NPHP3: variants seen among roughly 807,000 people sequenced by gnomAD.
The protein encoded by NPHP3 is nephrocystin 3.
In NPHP3, 123 loss-of-function variants were observed where a neutral mutation model predicts 171.9. The observed-to-expected ratio is 0.72, with a 90% CI of 0.62 to 0.83. NPHP3 has a LOEUF of 0.83. NPHP3 is among the 40% of genes least tolerant of loss of function. NPHP3 has a pLI of 0.00. For missense variants in NPHP3, 1,506 were observed against 1,591.9 expected (o/e 0.95, Z 0.92); for synonymous variants, 558 against 579.2 (o/e 0.96, Z 0.52).
Position 132,705,323 on chromosome 3 carries a change from A to AC in NPHP3, c.1350+416dup, listed in dbSNP as rs377765092. ...AGGCCCCTCCCTGGTCCATGTTCTC[A>AC]CCCCCCTGGAGGCATGCTTTCATCC... On this transcript the variant is annotated intron_variant, in intron 8 of 26. Coordinates refer to ENST00000337331, the MANE Select transcript of NPHP3 (RefSeq NM_153240.5). Among the ~76,000 whole-genome samples the AC allele has an allele frequency of 2.2e-3, 334 of 151,978 alleles. 2 individuals carry two copies. Among genetic ancestry groups the AC allele is most frequent in the African/African-American group, 7.5e-3 (312 of 41,448 alleles).
At position 132,708,627 on chromosome 3, in the gene NPHP3, A is replaced by G. The variant is rs138348564; in HGVS notation, c.1119-370T>C. Among the ~76,000 whole-genome samples the G allele has an allele frequency of 3.0e-3, 463 of 152,356 alleles. 3 individuals are homozygous for G. The highest frequency in any genetic ancestry group is 0.011 in the African/African-American group (441 of 41,580). ...ATAGATGGCAAACAAAATTCCATTT[A>G]AAAATGTATAATTTCCATGTTAACA... On this transcript the variant is annotated intron_variant, in intron 6 of 26. Transcript: ENST00000337331.
At chr3:132,706,787 A>G (rs1419587468) in intron 7 of NPHP3, among the ~76,000 whole-genome samples, 1 of 152,246 alleles carries the variant, frequency 6.6e-6, no homozygotes, top group Non-Finnish European at 1.5e-5. Flanking sequence ...TAAAGGTTAT[A>G]GAATAAATAG....
chr3:132,721,892 G>T (rs1940233695), intron 1 of NPHP3, 71 bp downstream of exon 1: 8 of 1,568,858 alleles, frequency 5.1e-6, no homozygotes, highest in Non-Finnish European at 6.9e-6. Context: ...AAAGCCGCTT[G>T]GTTTGGAGAG....
intron 7 of NPHP3, among the ~76,000 whole-genome samples, chr3:132,707,603 T>TTC (rs1939789025): frequency 6.6e-6 from 1 of 152,126 alleles, no homozygotes; most frequent in African/African-American, 2.4e-5. Context: ...TGCGATTTAT[T>TTC]TCTCTCTCTT....
chr3:132,697,511 G>A (rs753061250), intron 13 of NPHP3, 149 bp from the exon 14 acceptor site: 13 of 590,590 alleles, frequency 2.2e-5, no homozygotes, highest in Non-Finnish European at 3.5e-5. Context: ...ATCATATTAA[G>A]TAATTAATAT....
intron 6 of NPHP3, among the ~76,000 whole-genome samples, chr3:132,708,615 A>G (rs565112351): frequency 6.6e-6 from 1 of 152,362 alleles, no homozygotes; most frequent in Non-Finnish European, 1.5e-5. Context: ...GATGGCAAAC[A>G]AAATTCCATT....
At chr3:132,721,538 A>AG in intron 1 of NPHP3, 1 of 311,490 alleles carries the variant, frequency 3.2e-6, no homozygotes, top group Non-Finnish European at 6.4e-6. Context: ...CAGCCTTCTG[A>AG]GGGGGTGGGC....
At chr3:132,720,093 T>C (rs925241935) in intron 1 of NPHP3, among the ~76,000 whole-genome samples, 1 of 152,206 alleles carries the variant, frequency 6.6e-6, no homozygotes, top group Non-Finnish European at 1.5e-5. Flanking sequence ...AAACACTGCA[T>C]CAGCTCTTAA....
In NPHP3 at chr3:132,719,740, CA is replaced by C; in HGVS notation, c.483del (p.Phe161LeufsTer27). 6.3e-7 allele frequency: 1 copy of C among 1,576,038 alleles called. No individual in the cohort carries two copies. The highest frequency in any genetic ancestry group is 1.2e-5 in the South Asian group (1 of 83,786). ...KYQAMERAAT[F>X]EHDRDKVKRQ... ...CTTTTAACTTTATCTCTGTCATGTT[CA>C]AATGTTGCTGCTCTCTCCATTGCTT... On this transcript the variant is annotated frameshift_variant, in exon 2 of 27. Transcript: ENST00000337331. LOFTEE classifies it high-confidence loss of function.
intron 10 of NPHP3, 99 bp from the exon 11 acceptor site, chr3:132,700,547 C>T: frequency 6.0e-6 from 4 of 670,146 alleles, no homozygotes; most frequent in South Asian, 1.9e-5. Flanking sequence ...TGTTGCCTAA[C>T]TGAGCAATCA....
chr3:132,706,088 G>A (rs1560010920), intron 7 of NPHP3, among the ~76,000 whole-genome samples: 1 of 152,010 alleles, frequency 6.6e-6, no homozygotes, highest in Non-Finnish European at 1.5e-5. Context: ...GGCCAGGCGC[G>A]GTGGCTCATG....
At position 132,683,449 on chromosome 3, in the gene NPHP3, G is replaced by T; in HGVS notation, c.3646C>A (p.Pro1216Thr). 2 of 1,612,974 alleles carry T rather than the reference G, an allele frequency of 1.2e-6. No individual in the cohort carries two copies. Among genetic ancestry groups the T allele is most frequent in the Non-Finnish European group, 1.7e-6 (2 of 1,179,206 alleles). ...TTCACCAAGGCAGTAGCTACACTAGGGTGCTTTGGGCCAAAAGATTTCTGT... is the reference window on the plus strand; with the variant it reads ...TTCACCAAGGCAGTAGCTACACTAGTGTGCTTTGGGCCAAAAGATTTCTGT... ...IRQKSFGPKH[P>T]SVATALVNLA... Residue 1216 changes from proline to threonine, a missense_variant, in exon 25 of 27, where the codon CCT (proline) becomes ACT (threonine). This residue lies in a region of NPHP3 where 569 missense variants were observed against 648.1 expected (regional missense o/e 0.88). Coordinates refer to ENST00000337331, the MANE Select transcript of NPHP3 (RefSeq NM_153240.5).
intron 23 of NPHP3, chr3:132,685,045 A>G (rs1356777216): frequency 1.1e-5 from 5 of 461,918 alleles, no homozygotes; most frequent in Non-Finnish European, 2.0e-5. Context: ...AAACTGATAG[A>G]TATTTTCCAA....
rs886043651 is a variant in NPHP3, at chr3:132,715,150, T to A, written c.892A>T (p.Asn298Tyr). The A allele has an allele frequency of 6.2e-7, 1 of 1,610,658 alleles. No homozygotes were observed. Among genetic ancestry groups the A allele is most frequent in the Admixed American group, 1.7e-5 (1 of 60,018 alleles). The part of the protein sequence containing the change: ...TPLFSHSLWS[N>Y]TVRCYLIYTD... Reference sequence around the variant, plus strand: ...TAAATGAGGTAACATCTGACAGTGTTACTCCACAGAGAATGTGAAAACAGA... The same window carrying A: ...TAAATGAGGTAACATCTGACAGTGTAACTCCACAGAGAATGTGAAAACAGA... Residue 298 changes from asparagine to tyrosine, a missense_variant, in exon 5 of 27, where the codon AAC (asparagine) becomes TAC (tyrosine). Coordinates refer to ENST00000337331, the MANE Select transcript of NPHP3 (RefSeq NM_153240.5).
In NPHP3 at chr3:132,708,257, G is replaced by T. The variant is rs556746979; in HGVS notation, c.1119C>A (p.Ser373Arg). 1.2e-6 allele frequency: 2 copies of T among 1,613,618 alleles called. No homozygotes were observed. The highest frequency in any genetic ancestry group is 2.2e-5 in the South Asian group (2 of 91,058). The change falls in exon 7 of 27, where the codon AGC becomes AGA. Residue 373 changes from serine to arginine, a missense_variant and splice_region_variant. Physicochemically the swap from Ser to Arg is moderately radical, Grantham distance 110. This residue lies in a region of NPHP3 where 930 missense variants were observed against 924.9 expected (regional missense o/e 1.01). Coordinates refer to ENST00000337331, the MANE Select transcript of NPHP3 (RefSeq NM_153240.5). ...VILFIHLTLPSLLLEDCEEAF... is the reference protein window; with the variant it reads ...VILFIHLTLPRLLLEDCEEAF... ...CTTCTTCACAGTCTTCCAATAAAAG[G>T]CTAGATTGGAAATCAGCATTTTGTG...
chr3:132,719,148 TAA>T lies in NPHP3; in HGVS notation c.520-6_520-5del. The T allele has an allele frequency of 6.3e-7, 1 of 1,595,418 alleles. No individual in the cohort carries two copies. Among genetic ancestry groups the T allele is most frequent in the African/African-American group, 1.4e-5 (1 of 73,926 alleles). Reference sequence around the variant, plus strand: ...TTTCTTTGGTCTCCCTAAAAATCTTTAAAAAGAATAATTTTAATGTTGAAAGC... The same window carrying T: ...TTTCTTTGGTCTCCCTAAAAATCTTTAAAGAATAATTTTAATGTTGAAAGC... On this transcript the variant is annotated splice_polypyrimidine_tract_variant and splice_region_variant and intron_variant, in intron 2 of 26. Coordinates refer to ENST00000337331, the MANE Select transcript of NPHP3 (RefSeq NM_153240.5).
chr3:132,704,978 C>T (rs116304732), intron 8 of NPHP3, among the ~76,000 whole-genome samples: 301 of 152,176 alleles, frequency 2.0e-3, no homozygotes, highest in African/African-American at 7.0e-3. Flanking sequence ...TGCCAGAGGT[C>T]ATATCATTTT....
intron 17 of NPHP3, among the ~76,000 whole-genome samples, chr3:132,692,278 A>T (rs1442323641): frequency 6.6e-6 from 1 of 152,236 alleles, no homozygotes; most frequent in Non-Finnish European, 1.5e-5. Flanking sequence ...TGTGTTTCTC[A>T]GAACATATCC....
intron 3 of NPHP3, 25 bp from the exon 4 acceptor site, chr3:132,716,934 T>C (rs764675968): frequency 4.3e-6 from 7 of 1,611,896 alleles, no homozygotes; most frequent in Middle Eastern, 1.7e-4. Flanking sequence ...ATTTTTATCT[T>C]GTGAAAGCCA....
Sources: allele counts gnomAD v4.1 joint callset (sites outside exome capture counted in the v4.1 genomes callset), GRCh38; gene constraint gnomAD v4.1.1; regional missense constraint gnomAD v4.1.1; transcripts MANE v1.5; gene names NCBI Gene and HGNC (gene_info 2026-07-23, HGNC 2026-07-21).